ARB2A: variants seen among roughly 807,000 people sequenced by gnomAD.
ARB2A encodes the protein ARB2 cotranscriptional regulator A, also known as cotranscriptional regulator ARB2A.
the ARB2A span, among the ~76,000 whole-genome samples, chr5:93,842,641 T>G: frequency 6.6e-6 from 1 of 152,150 alleles, no homozygotes; most frequent in Non-Finnish European, 1.5e-5. Context: ...AAGTCCAATC[T>G]CAAGCTGGCA....
the ARB2A span, chr5:94,050,693 T>A: frequency 4.8e-6 from 7 of 1,460,282 alleles, no homozygotes; most frequent in African/African-American, 1.0e-4. Context: ...ATATTTAAAA[T>A]TGGGAAAAAC....
the ARB2A span, among the ~76,000 whole-genome samples, chr5:94,004,819 A>G: frequency 6.6e-6 from 1 of 151,610 alleles, no homozygotes; most frequent in Non-Finnish European, 1.5e-5. Context: ...TTCTATTTAA[A>G]GTTACCTTAT....
At chr5:93,955,038 G>C in the ARB2A span, among the ~76,000 whole-genome samples, 1 of 152,168 alleles carries the variant, frequency 6.6e-6, no homozygotes, top group African/African-American at 2.4e-5. Context: ...ACACAGGGAA[G>C]GGGTGGCATC....
chr5:93,896,990 G>A, the ARB2A span, among the ~76,000 whole-genome samples: 2 of 151,910 alleles, frequency 1.3e-5, no homozygotes, highest in South Asian at 2.1e-4. Flanking sequence ...GTCTATCAGC[G>A]CTTGCATACT....
chr5:93,773,426 A>G, the ARB2A span, among the ~76,000 whole-genome samples: 3 of 152,180 alleles, frequency 2.0e-5, no homozygotes, highest in African/African-American at 7.2e-5. Flanking sequence ...GCTCCAGAGT[A>G]CCTGTAAGTA....
At chr5:94,035,559 T>C in the ARB2A span, among the ~76,000 whole-genome samples, 2 of 152,200 alleles carry the variant, frequency 1.3e-5, no homozygotes, top group African/African-American at 4.8e-5. Context: ...CCATTGTTTT[T>C]ATCCTGAGGA....
chr5:93,771,006 A>C, the ARB2A span, among the ~76,000 whole-genome samples: 2 of 152,182 alleles, frequency 1.3e-5, no homozygotes, highest in Admixed American at 6.5e-5. Flanking sequence ...GTTAATCCTA[A>C]GCCAAAAAAA....
chr5:94,039,516 A>C, the ARB2A span, among the ~76,000 whole-genome samples: 1 of 152,230 alleles, frequency 6.6e-6, no homozygotes, highest in Non-Finnish European at 1.5e-5. Flanking sequence ...AAGGGGAGGC[A>C]GGAATGATGT....
At chr5:93,790,933 G>T in the ARB2A span, among the ~76,000 whole-genome samples, 1 of 152,166 alleles carries the variant, frequency 6.6e-6, no homozygotes, top group Non-Finnish European at 1.5e-5. Flanking sequence ...TCATAGGGCT[G>T]CTGAAGCATA....
the ARB2A span, among the ~76,000 whole-genome samples, chr5:93,831,422 G>C: frequency 6.6e-6 from 1 of 151,942 alleles, no homozygotes; most frequent in African/African-American, 2.4e-5. Flanking sequence ...TATTTCCAGG[G>C]ATCTTATGCT....
the ARB2A span, among the ~76,000 whole-genome samples, chr5:93,851,853 T>C: frequency 6.6e-6 from 1 of 152,184 alleles, no homozygotes; most frequent in Non-Finnish European, 1.5e-5. Flanking sequence ...CAGTCTATCA[T>C]TGTTGGACAT....
At chr5:94,026,274 G>A in the ARB2A span, among the ~76,000 whole-genome samples, 3 of 152,068 alleles carry the variant, frequency 2.0e-5, no homozygotes, top group African/African-American at 7.2e-5. Flanking sequence ...GTCGTATGGG[G>A]TGGCTGCCCT....
chr5:93,921,158 A>T, the ARB2A span, among the ~76,000 whole-genome samples: 7 of 49,936 alleles, frequency 1.4e-4, no homozygotes, highest in African/African-American at 5.1e-4. Context: ...AGACCATGTT[A>T]AAAAAAAAAA....
the ARB2A span, among the ~76,000 whole-genome samples, chr5:93,671,815 A>G: frequency 1.3e-5 from 2 of 152,176 alleles, no homozygotes; most frequent in African/African-American, 4.8e-5. Flanking sequence ...AAGACTTAAA[A>G]CTTTAAATGG....
the ARB2A span, among the ~76,000 whole-genome samples, chr5:93,840,626 C>G: frequency 1.3e-5 from 2 of 152,114 alleles, no homozygotes; most frequent in African/African-American, 4.8e-5. Context: ...ATCTCTACTT[C>G]TATTCTTACT....
At chr5:93,794,709 G>A in the ARB2A span, among the ~76,000 whole-genome samples, 1 of 152,178 alleles carries the variant, frequency 6.6e-6, no homozygotes. Context: ...ACCCAGCAGA[G>A]CTACTGGGCT....
the ARB2A span, among the ~76,000 whole-genome samples, chr5:93,906,633 A>G: frequency 3.3e-5 from 5 of 151,706 alleles, no homozygotes; most frequent in Non-Finnish European, 7.4e-5. Flanking sequence ...TTCTTAGTAT[A>G]TGCTAATGTT....
the ARB2A span, among the ~76,000 whole-genome samples, chr5:93,651,639 T>C: frequency 6.6e-6 from 1 of 152,240 alleles, no homozygotes; most frequent in African/African-American, 2.4e-5. Context: ...GCACTAGAAA[T>C]GATAAACATG....
the ARB2A span, among the ~76,000 whole-genome samples, chr5:93,991,209 T>C: frequency 6.6e-6 from 1 of 152,084 alleles, no homozygotes; most frequent in Non-Finnish European, 1.5e-5. Context: ...CCTCATGGAA[T>C]ACTCATATTC....
Sources: allele counts gnomAD v4.1 joint callset (sites outside exome capture counted in the v4.1 genomes callset), GRCh38; gene constraint gnomAD v4.1.1; transcripts MANE v1.5; gene names NCBI Gene and HGNC (gene_info 2026-07-23, HGNC 2026-07-21).